CTNNA3: variants seen among roughly 807,000 people sequenced by gnomAD.
CTNNA3 encodes the protein catenin alpha-3.
Under a neutral mutation model 95.7 loss-of-function variants are expected in CTNNA3, and 76 were observed. The observed-to-expected ratio is 0.79, with a 90% CI of 0.66 to 0.96. The LOEUF is 0.96. CTNNA3 is among the 40% of genes least tolerant of loss of function. The probability of loss-of-function intolerance (pLI) is 0.00; values close to 1 mark genes in which losing one functional copy is unlikely to be tolerated. For synonymous variants in CTNNA3, 431 were observed against 374.4 expected (o/e 1.15, Z -1.74); for missense variants, 1,191 against 1,089.8 (o/e 1.09, Z -1.31).
At chr10:66,655,816 A>G (rs1296466833) in intron 9 of CTNNA3, among the ~76,000 whole-genome samples, 2 of 152,074 alleles carry the variant, frequency 1.3e-5, no homozygotes, top group African/African-American at 2.4e-5. Flanking sequence ...CTTAAGTTGG[A>G]TAAGTACACA....
intron 5 of CTNNA3, among the ~76,000 whole-genome samples, chr10:67,441,494 C>T (rs1846514185): frequency 6.6e-6 from 1 of 152,012 alleles, no homozygotes; most frequent in African/African-American, 2.4e-5. Flanking sequence ...AACCCAAAGA[C>T]TACCTTAAAG....
intron 1 of CTNNA3, among the ~76,000 whole-genome samples, chr10:67,658,653 C>T (rs529687253): frequency 2.0e-5 from 3 of 152,286 alleles, no homozygotes; most frequent in African/African-American, 7.2e-5. Context: ...CAACAGCCTC[C>T]TAAAGGATCT....
intron 17 of CTNNA3, among the ~76,000 whole-genome samples, chr10:65,956,598 C>T (rs1413725872): frequency 6.6e-6 from 1 of 152,142 alleles, no homozygotes; most frequent in East Asian, 1.9e-4. Context: ...TCTTTGTTCT[C>T]ATTGGTTTCA....
intron 11 of CTNNA3, among the ~76,000 whole-genome samples, chr10:66,382,326 T>C (rs2092847208): frequency 6.6e-6 from 1 of 152,162 alleles, no homozygotes. Flanking sequence ...CCTTGCTCAC[T>C]GCTAGTGCAG....
intron 13 of CTNNA3, among the ~76,000 whole-genome samples, chr10:66,156,212 A>G (rs1318887786): frequency 5.3e-5 from 8 of 151,866 alleles, no homozygotes; most frequent in Non-Finnish European, 1.2e-4. Flanking sequence ...CCAGACTTGG[A>G]GCTGAAGAAG....
chr10:66,601,967 C>G (rs980635088), intron 10 of CTNNA3, among the ~76,000 whole-genome samples: 4 of 151,830 alleles, frequency 2.6e-5, no homozygotes, highest in Admixed American at 2.0e-4. Context: ...CTCTCTAAAT[C>G]TAAATTAGGA....
chr10:66,217,501 G>T (rs1185436452), intron 13 of CTNNA3, among the ~76,000 whole-genome samples: 4 of 152,092 alleles, frequency 2.6e-5, no homozygotes, highest in Non-Finnish European at 4.4e-5. Context: ...GTATGGGATG[G>T]ATATTCCAGT....
chr10:66,335,179 C>T (rs2092380438), intron 12 of CTNNA3, among the ~76,000 whole-genome samples: 1 of 152,026 alleles, frequency 6.6e-6, no homozygotes, highest in Admixed American at 6.5e-5. Context: ...GTTCGAACTT[C>T]CTCCTTTAGC....
At chr10:67,433,920 A>G (rs917287004) in intron 5 of CTNNA3, among the ~76,000 whole-genome samples, 8 of 152,058 alleles carry the variant, frequency 5.3e-5, no homozygotes, top group African/African-American at 1.7e-4. Flanking sequence ...ACTAAGTACT[A>G]GGCAGTCAGA....
chr10:66,973,599 C>T (rs905873843), intron 7 of CTNNA3, among the ~76,000 whole-genome samples: 2 of 152,124 alleles, frequency 1.3e-5, no homozygotes, highest in East Asian at 3.9e-4. Context: ...ATTAAATACA[C>T]TCTCAAATAA....
At chr10:67,396,700 T>G (rs1360263725) in intron 5 of CTNNA3, among the ~76,000 whole-genome samples, 2 of 152,268 alleles carry the variant, frequency 1.3e-5, no homozygotes, top group East Asian at 1.9e-4. Flanking sequence ...TTTGATATGG[T>G]TTGGCTCTGT....
At chr10:66,586,290 G>T (rs1210909931) in intron 10 of CTNNA3, among the ~76,000 whole-genome samples, 1 of 152,078 alleles carries the variant, frequency 6.6e-6, no homozygotes, top group African/African-American at 2.4e-5. Flanking sequence ...GGCTAAAGCG[G>T]GTGGGTAAAT....
At chr10:66,584,355 G>A (rs1169651631) in intron 10 of CTNNA3, among the ~76,000 whole-genome samples, 1 of 151,816 alleles carries the variant, frequency 6.6e-6, no homozygotes, top group Non-Finnish European at 1.5e-5. Flanking sequence ...ATGAATCTGT[G>A]AGCTCTAGAG....
chr10:65,972,757 A>G (rs1016588740), intron 16 of CTNNA3, among the ~76,000 whole-genome samples: 1 of 152,182 alleles, frequency 6.6e-6, no homozygotes, highest in African/African-American at 2.4e-5. Flanking sequence ...TATCGTTAAA[A>G]TGGCCATGCT....
At chr10:67,293,174 T>C (rs1365332985) in intron 5 of CTNNA3, among the ~76,000 whole-genome samples, 1 of 152,164 alleles carries the variant, frequency 6.6e-6, no homozygotes, top group Non-Finnish European at 1.5e-5. Flanking sequence ...AAGTAGACTT[T>C]CTTTTTTATA....
chr10:66,140,442 C>T (rs2083555724), intron 13 of CTNNA3, among the ~76,000 whole-genome samples: 1 of 152,126 alleles, frequency 6.6e-6, no homozygotes, highest in African/African-American at 2.4e-5. Context: ...AAAATTTAGT[C>T]TCCTGACATT....
intron 11 of CTNNA3, among the ~76,000 whole-genome samples, chr10:66,495,898 T>C (rs896277738): frequency 1.3e-5 from 2 of 152,128 alleles, no homozygotes; most frequent in Non-Finnish European, 2.9e-5. Context: ...CCTCAAGTGA[T>C]CTGCCTGCCT....
intron 1 of CTNNA3, among the ~76,000 whole-genome samples, chr10:67,654,222 G>A (rs1187078814): frequency 2.0e-5 from 3 of 152,138 alleles, no homozygotes; most frequent in African/African-American, 7.2e-5. Context: ...TTATTTGAAG[G>A]TATATTTCTC....
intron 12 of CTNNA3, among the ~76,000 whole-genome samples, chr10:66,359,147 A>G (rs1237316085): frequency 6.6e-6 from 1 of 152,170 alleles, no homozygotes; most frequent in Non-Finnish European, 1.5e-5. Flanking sequence ...TTCTCACCCT[A>G]AAATGGCAGA....
Sources: allele counts gnomAD v4.1 joint callset (sites outside exome capture counted in the v4.1 genomes callset), GRCh38; gene constraint gnomAD v4.1.1; transcripts MANE v1.5; gene names NCBI Gene and HGNC (gene_info 2026-07-23, HGNC 2026-07-21).